Variants in FANK1 observed in about 807,000 individuals in gnomAD.
FANK1 encodes the protein fibronectin type 3 and ankyrin repeat domains protein 1.
A neutral mutation model predicts 45.3 loss-of-function variants in FANK1; 44 were observed. That is an observed-to-expected ratio of 0.97 (90% CI 0.76 to 1.25). The LOEUF is 1.25. FANK1 is among the 50% of genes most tolerant of loss of function. The pLI is 0.00. For missense variants in FANK1, 391 were observed against 424.4 expected (o/e 0.92, Z 0.69); for synonymous variants, 149 against 152.5 (o/e 0.98, Z 0.17).
chr10:125,951,491 A>C lies in FANK1; in HGVS notation c.14-28670A>C, dbSNP rs532546201. Among the ~76,000 whole-genome samples the C allele has an allele frequency of 2.6e-5, 4 of 152,298 alleles. No individual in the cohort carries two copies. The East Asian group carries it at 5.8e-4, about 22-fold the overall frequency. On this transcript the variant is annotated intron_variant, in intron 1 of 10. Coordinates refer to ENST00000368693, the MANE Select transcript of FANK1 (RefSeq NM_145235.5). ...GAAAGTTCAAGGTACTTAGGGACGG[A>C]AGTCAACACATTCATTGAAACAAGG... is the stretch of plus-strand genomic sequence containing the variant.
chr10:126,008,633 G>C (rs1953420551), intron 8 of FANK1, 83 bp downstream of exon 8: 1 of 1,488,970 alleles, frequency 6.7e-7, no homozygotes, highest in South Asian at 1.3e-5. Context: ...ATTCTTGTGA[G>C]TTCAGCCCTG....
intron 1 of FANK1, among the ~76,000 whole-genome samples, chr10:125,908,015 G>GACAAGAGTTTTGA: frequency 7.7e-6 from 1 of 129,664 alleles, no homozygotes; most frequent in South Asian, 2.5e-4. Flanking sequence ...TTTTTTTTGA[G>GACAAGAGTTTTGA]ACAAGAGTTT....
At chr10:125,982,517 T>C (rs1951286423) in intron 2 of FANK1, among the ~76,000 whole-genome samples, 1 of 152,260 alleles carries the variant, frequency 6.6e-6, no homozygotes, top group South Asian at 2.1e-4. Context: ...GTGGCAGAAT[T>C]AGGCTGCATT....
chr10:126,008,621 C>T, intron 8 of FANK1, 71 bp downstream of exon 8: 1 of 1,528,784 alleles, frequency 6.5e-7, no homozygotes, highest in Non-Finnish European at 8.8e-7. Context: ...TGTAATTAGA[C>T]AATTCTTGTG....
chr10:125,947,183 G>A (rs1284552113), intron 1 of FANK1, among the ~76,000 whole-genome samples: 1 of 152,128 alleles, frequency 6.6e-6, no homozygotes, highest in East Asian at 1.9e-4. Flanking sequence ...AGACCATCAA[G>A]ACTAGGAAGA....
intron 1 of FANK1, among the ~76,000 whole-genome samples, chr10:125,903,030 T>C (rs1258154124): frequency 6.6e-6 from 1 of 151,946 alleles, no homozygotes; most frequent in South Asian, 2.1e-4. Flanking sequence ...TTCATTGTGA[T>C]CCTGACCTCT....
intron 7 of FANK1, among the ~76,000 whole-genome samples, chr10:126,008,163 C>G (rs1953375361): frequency 1.3e-5 from 2 of 152,094 alleles, no homozygotes; most frequent in African/African-American, 2.4e-5. Flanking sequence ...GAAAGTAGTT[C>G]AGTTAACTTT....
chr10:125,966,948 G>A (rs1213168333), intron 1 of FANK1, among the ~76,000 whole-genome samples: 2 of 152,012 alleles, frequency 1.3e-5, no homozygotes, highest in Non-Finnish European at 2.9e-5. Context: ...CAGTTCTTCT[G>A]TCTGCGTGCA....
chr10:125,964,121 TC>T (rs1180987117), intron 1 of FANK1, among the ~76,000 whole-genome samples: 4 of 152,020 alleles, frequency 2.6e-5, no homozygotes, highest in Admixed American at 2.6e-4. Context: ...ATCCTATTTT[TC>T]CTCTTCCTCT....
At chr10:125,966,344 G>A (rs1371655530) in intron 1 of FANK1, among the ~76,000 whole-genome samples, 1 of 151,990 alleles carries the variant, frequency 6.6e-6, no homozygotes, top group East Asian at 1.9e-4. Context: ...TCTTTATCCC[G>A]AGACCTCACT....
At chr10:125,945,721 A>C (rs1338201488) in intron 1 of FANK1, among the ~76,000 whole-genome samples, 2 of 152,208 alleles carry the variant, frequency 1.3e-5, no homozygotes, top group Non-Finnish European at 2.9e-5. Flanking sequence ...CAAAGCAGCC[A>C]GGAGGCTCGA....
At chr10:125,996,998 A>G (rs1952381556) in intron 5 of FANK1, among the ~76,000 whole-genome samples, 2 of 152,134 alleles carry the variant, frequency 1.3e-5, no homozygotes, top group Admixed American at 6.5e-5. Context: ...ATACACTCTC[A>G]TTATCTGTTC....
chr10:126,008,910 G>A, intron 8 of FANK1, 144 bp from the exon 9 acceptor site: 3 of 721,250 alleles, frequency 4.2e-6, no homozygotes, highest in Non-Finnish European at 6.9e-6. Flanking sequence ...GAAGCGCTGT[G>A]CCTGCAGGCC....
intron 1 of FANK1, among the ~76,000 whole-genome samples, chr10:125,932,211 G>A (rs2090247): frequency 0.13 from 19,473 of 151,938 alleles, 1,800 homozygotes; most frequent in Admixed American, 0.31. Flanking sequence ...ATGAATTTTA[G>A]AATTTGTTTT....
intron 1 of FANK1, among the ~76,000 whole-genome samples, chr10:125,930,646 T>G (rs1322439503): frequency 6.6e-6 from 1 of 152,146 alleles, no homozygotes; most frequent in Non-Finnish European, 1.5e-5. Flanking sequence ...CCATCTTCAT[T>G]GTTCTTCAGT....
chr10:125,923,467 A>T (rs1339079866), intron 1 of FANK1, among the ~76,000 whole-genome samples: 4 of 152,044 alleles, frequency 2.6e-5, no homozygotes, highest in East Asian at 1.9e-4. Flanking sequence ...TCTCAAAAAA[A>T]AAAAATTTTT....
chr10:125,966,725 C>A (rs897194781), intron 1 of FANK1, among the ~76,000 whole-genome samples: 3 of 152,166 alleles, frequency 2.0e-5, no homozygotes, highest in Admixed American at 2.0e-4. Flanking sequence ...TTATTTTTAT[C>A]AGACTTGTTG....
intron 1 of FANK1, among the ~76,000 whole-genome samples, chr10:125,925,323 C>T (rs1185218822): frequency 6.6e-6 from 1 of 152,190 alleles, no homozygotes; most frequent in Non-Finnish European, 1.5e-5. Context: ...GAAATGTTTT[C>T]CTTCATTTAT....
chr10:125,899,272 C>T (rs112970220), intron 1 of FANK1, among the ~76,000 whole-genome samples: 1,313 of 97,986 alleles, frequency 0.013, no homozygotes, highest in African/African-American at 0.019. Flanking sequence ...GTTGGTCCGG[C>T]TGGTCTTGAA....
Sources: allele counts gnomAD v4.1 joint callset (sites outside exome capture counted in the v4.1 genomes callset), GRCh38; gene constraint gnomAD v4.1.1; transcripts MANE v1.5; gene names NCBI Gene and HGNC (gene_info 2026-07-23, HGNC 2026-07-21).